The following SSH1 variants were observed in gnomAD, a reference collection of about 807,000 sequenced individuals.
SSH1 encodes the protein slingshot protein phosphatase 1, also known as protein phosphatase Slingshot homolog 1.
In SSH1, 43 loss-of-function variants were observed where a neutral mutation model predicts 79.7. The observed-to-expected ratio is 0.54, with a 90% confidence interval of 0.42 to 0.70. The LOEUF is 0.70. Among genes scored for constraint, SSH1 ranks in the 30% least tolerant of loss-of-function variants. The pLI is 0.00. For missense variants in SSH1, 1,206 were observed against 1,358.8 expected (o/e 0.89, Z 1.77); for synonymous variants, 599 against 538.3 (o/e 1.11, Z -1.56).
chr12:108,800,991 T>C lies in SSH1; in HGVS notation c.1002-65A>G, dbSNP rs1465750865. 4.3e-5 allele frequency: 64 copies of C among 1,494,010 alleles called. 1 individual carries two copies. In the Admixed American group the frequency reaches 1.1e-3, roughly 26 times the overall value. The allele number at this position is 1,494,010 out of a possible 1,614,324, so 92.5% of individuals were successfully genotyped here. On this transcript the variant is annotated intron_variant, in intron 11 of 14. Transcript: ENST00000326495. ...TGAATGAGAAAGAAAAGCAAGGTAATAAAAACTGGCAGAGAAAAGAAAAGG... is the reference window on the plus strand; with the variant it reads ...TGAATGAGAAAGAAAAGCAAGGTAACAAAAACTGGCAGAGAAAAGAAAAGG...
intron 4 of SSH1, chr12:108,817,447 C>T (rs374771731): frequency 1.4e-4 from 51 of 371,786 alleles, no homozygotes; most frequent in African/African-American, 1.1e-3. Flanking sequence ...TGGTGGCGTG[C>T]GCCTGTAATC....
rs1377216552 is a variant in SSH1, at chr12:108,837,419, C to T, written c.111-14058G>A. On this transcript the variant is annotated intron_variant, in intron 2 of 14. Coordinates refer to ENST00000326495, the MANE Select transcript of SSH1 (RefSeq NM_018984.4). ...TCTTGAATGGGGTTAGAGGACTAGA[C>T]GGTGGGAATGCATCAGAGTCAGTGT... 4.6e-5 allele frequency among the ~76,000 whole-genome samples: 7 copies of T among 152,200 alleles called. No homozygotes were observed. The South Asian group carries it at 6.2e-4, about 14-fold the overall frequency.
intron 7 of SSH1, among the ~76,000 whole-genome samples, chr12:108,808,689 G>A (rs2137086352): frequency 6.6e-6 from 1 of 152,204 alleles, no homozygotes; most frequent in South Asian, 2.1e-4. Flanking sequence ...TAATAGCTTA[G>A]ATGCTTAGAT....
At chr12:108,827,482 C>CA in intron 2 of SSH1, 1 of 1,298,778 alleles carries the variant, frequency 7.7e-7, no homozygotes, top group Non-Finnish European at 9.8e-7. Flanking sequence ...AACTCCTCCT[C>CA]AGAGTCCTAC....
intron 6 of SSH1, 60 bp from the exon 7 acceptor site, chr12:108,809,818 A>G: frequency 6.8e-7 from 1 of 1,471,626 alleles, no homozygotes; most frequent in South Asian, 1.1e-5. Flanking sequence ...CTTGAGTGAA[A>G]TCACTCTGGG....
intron 1 of SSH1, chr12:108,853,440 G>C (rs961450847): frequency 1.3e-6 from 1 of 751,272 alleles, no homozygotes; most frequent in Non-Finnish European, 1.6e-6. Flanking sequence ...TGTTTTTTAT[G>C]TTGCACAGAG....
intron 1 of SSH1, among the ~76,000 whole-genome samples, chr12:108,853,552 A>G (rs1422898618): frequency 6.6e-6 from 1 of 152,132 alleles, no homozygotes; most frequent in Non-Finnish European, 1.5e-5. Context: ...AGGGCGAAGG[A>G]AAAAGGGTCC....
intron 10 of SSH1, among the ~76,000 whole-genome samples, chr12:108,803,553 T>C (rs1382334457): frequency 2.0e-5 from 3 of 152,184 alleles, no homozygotes; most frequent in Non-Finnish European, 4.4e-5. Flanking sequence ...CGACACTAGC[T>C]GAATTTTCAT....
chr12:108,791,088 G>C (rs969338680), intron 14 of SSH1, among the ~76,000 whole-genome samples: 1 of 152,220 alleles, frequency 6.6e-6, no homozygotes, highest in African/African-American at 2.4e-5. Context: ...CTGGATACTT[G>C]ACAACGTTGG....
intron 13 of SSH1, among the ~76,000 whole-genome samples, chr12:108,796,098 T>C (rs981216030): frequency 2.0e-5 from 3 of 151,986 alleles, no homozygotes; most frequent in South Asian, 2.1e-4. Context: ...GTATTTTTAG[T>C]AGAGACGGGG....
At chr12:108,825,970 AC>A (rs1209657765) in intron 2 of SSH1, 5 of 373,686 alleles carry the variant, frequency 1.3e-5, no homozygotes, top group Non-Finnish European at 2.6e-5. Flanking sequence ...AAAATCTGAA[AC>A]AGCTATGCGA....
At chr12:108,831,407 C>T (rs2038470543) in intron 2 of SSH1, among the ~76,000 whole-genome samples, 1 of 152,174 alleles carries the variant, frequency 6.6e-6, no homozygotes, top group Non-Finnish European at 1.5e-5. Context: ...CAAGTATTTG[C>T]TGAGTGTCTA....
Position 108,809,691 on chromosome 12 carries a change from A to G in SSH1, c.536+2T>C. Reference sequence around the variant, plus strand: ...GTTAAAAGTCCCTAAAACCACACTTACCACATGGCCTGGACAGACACAGGC... The same window carrying G: ...GTTAAAAGTCCCTAAAACCACACTTGCCACATGGCCTGGACAGACACAGGC... On this transcript the variant is annotated splice_donor_variant, in intron 7 of 14. Coordinates refer to ENST00000326495, the MANE Select transcript of SSH1 (RefSeq NM_018984.4). LOFTEE classifies it high-confidence loss of function. 6.2e-7 allele frequency: 1 copy of G among 1,613,582 alleles called. No individual in the cohort carries two copies. The highest frequency in any genetic ancestry group is 8.5e-7 in the Non-Finnish European group (1 of 1,179,636).
intron 1 of SSH1, 146 bp from the exon 2 acceptor site, chr12:108,852,824 T>C: frequency 6.4e-7 from 1 of 1,553,296 alleles, no homozygotes; most frequent in Non-Finnish European, 8.7e-7. Flanking sequence ...TGCCCTTTCC[T>C]CACCAATCCC....
rs765112684 is a variant in SSH1 at position 108,817,254 on chromosome 12, C to A, written c.280-95G>T. ...AAGATCAACACTTTCAGTGTTCTAC[C>A]TTTCCCTCTGGGAGTTAAAAATGAA... On this transcript the variant is annotated intron_variant, in intron 4 of 14. Transcript: ENST00000326495. 10 of 1,558,384 alleles carry A rather than the reference C, an allele frequency of 6.4e-6. No individual in the cohort carries two copies. In the South Asian group the frequency reaches 7.9e-5, roughly 12 times the overall value.
chr12:108,852,400 T>C (rs1291179750), intron 2 of SSH1, among the ~76,000 whole-genome samples: 2 of 151,954 alleles, frequency 1.3e-5, no homozygotes, highest in Non-Finnish European at 2.9e-5. Context: ...GGTTAATTTT[T>C]TCTGTTTTTT....
intron 5 of SSH1, chr12:108,811,645 G>A: frequency 2.4e-6 from 1 of 424,526 alleles, no homozygotes; most frequent in East Asian, 5.1e-5. Context: ...GGGTACATAG[G>A]CAAGCACCGG....
chr12:108,840,495 T>C (rs1359187367), intron 2 of SSH1, among the ~76,000 whole-genome samples: 1 of 151,298 alleles, frequency 6.6e-6, no homozygotes, highest in Non-Finnish European at 1.5e-5. Flanking sequence ...ATCGTGCCAC[T>C]GCACTCTAGC....
At chr12:108,852,946 C>T (rs750586849) in intron 1 of SSH1, 17 of 985,304 alleles carry the variant, frequency 1.7e-5, no homozygotes, top group Non-Finnish European at 2.0e-5. Context: ...CATTTCCTAT[C>T]TGGTGTTGTT....
Sources: allele counts gnomAD v4.1 joint callset (sites outside exome capture counted in the v4.1 genomes callset), GRCh38; gene constraint gnomAD v4.1.1; transcripts MANE v1.5; gene names NCBI Gene and HGNC (gene_info 2026-07-23, HGNC 2026-07-21).